The following UGT2B4 variants were observed in gnomAD, a reference collection of about 807,000 sequenced individuals.
UGT2B4 encodes UDP glucuronosyltransferase family 2 member B4.
UGT2B4 carries 49 observed loss-of-function variants against 49.8 expected under a neutral mutation model. That is an observed-to-expected ratio of 0.98 (90% CI 0.78 to 1.25). The LOEUF is 1.25. Ranked by LOEUF, UGT2B4 falls within the 50% of genes most tolerant of loss-of-function variation. The pLI is 0.00. For synonymous variants in UGT2B4, 246 were observed against 217.7 expected, an observed-to-expected ratio of 1.13 and a Z score of -1.14; for missense variants, 729 against 627.7, an observed-to-expected ratio of 1.16 and a Z score of -1.73.
At chr4:69,481,617 T>C (rs1727593559) in intron 5 of UGT2B4, among the ~76,000 whole-genome samples, 1 of 152,198 alleles carries the variant, frequency 6.6e-6, no homozygotes. Flanking sequence ...AATCACATCA[T>C]GAAGAAAGGC....
intron 1 of UGT2B4, among the ~76,000 whole-genome samples, chr4:69,523,204 T>C (rs1315606920): frequency 6.6e-6 from 1 of 151,930 alleles, no homozygotes; most frequent in Non-Finnish European, 1.5e-5. Context: ...TATGACTACT[T>C]CAAATATCTT....
At chr4:69,523,940 G>C (rs1204503465) in intron 1 of UGT2B4, among the ~76,000 whole-genome samples, 1 of 152,020 alleles carries the variant, frequency 6.6e-6, no homozygotes, top group Non-Finnish European at 1.5e-5. Context: ...CTTTTACTAA[G>C]TTTCATGAGC....
rs1577895917 is a variant in UGT2B4 at position 69,502,221 on chromosome 4, AT to A, written c.-105-6256del. 4.7e-5 allele frequency among the ~76,000 whole-genome samples: 4 copies of A among 85,418 alleles called. 1 individual carries two copies. The East Asian group carries it at 1.4e-3, about 30-fold the overall frequency. 56.0% of individuals were successfully genotyped at this position (85,418 alleles called of 152,430 possible). A position where few individuals can be genotyped will look rare whatever the true frequency, so the allele number is the denominator to read the frequency against. On this transcript the variant is annotated intron_variant, in intron 1 of 1. Transcript: ENST00000510114. ...TAATAATTTATTTTTGTTGTTGTTC[AT>A]TGTATTTGTTTTATTTTAAGTTCCA...
In UGT2B4 at chr4:69,480,928, A is replaced by G. The variant is rs1334726089; in HGVS notation, c.1311-18T>C. 6.8e-6 allele frequency: 11 copies of G among 1,609,704 alleles called. No homozygotes were observed. The East Asian group carries it at 1.1e-4, about 16-fold the overall frequency. On this transcript the variant is annotated intron_variant, in intron 5 of 5. Transcript: ENST00000305107. ...CTTTATATCTAAACGATAAGCAGAAAAGTATCAACATTGAAAGTAAGTTAA... is the reference window on the plus strand; with the variant it reads ...CTTTATATCTAAACGATAAGCAGAAGAGTATCAACATTGAAAGTAAGTTAA...
rs753338163 is a variant in UGT2B4, at chr4:69,495,533, GAA to G, written c.327_328del (p.Ser110ThrfsTer10). 6.2e-7 allele frequency: 1 copy of G among 1,613,006 alleles called. No individual in the cohort carries two copies. Among genetic ancestry groups the G allele is most frequent in the Non-Finnish European group, 8.5e-7 (1 of 1,179,430 alleles). ...TGTCCACATGATTTCTTGTACTTGT[GAA>G]AAATATGACCAAAATGTGTCTTTTG... On this transcript the variant is annotated frameshift_variant, in exon 1 of 6. Transcript: ENST00000305107. LOFTEE classifies it high-confidence loss of function.
intron 1 of UGT2B4, among the ~76,000 whole-genome samples, chr4:69,510,987 C>CT: frequency 1.1e-5 from 1 of 88,088 alleles, no homozygotes. Context: ...CTTTTCTTTT[C>CT]TTCTTTTTTT....
At chr4:69,484,068 G>T (rs1727693657) in intron 5 of UGT2B4, among the ~76,000 whole-genome samples, 1 of 151,856 alleles carries the variant, frequency 6.6e-6, no homozygotes, top group East Asian at 1.9e-4. Context: ...AACATCTCTG[G>T]CCATAATCAA....
At chr4:69,481,091 G>GAAAAAAAAAAAAAAAAAAA (rs57494102) in intron 5 of UGT2B4, among the ~76,000 whole-genome samples, 181 bp from the exon 6 acceptor site, 5 of 67,814 alleles carry the variant, frequency 7.4e-5, no homozygotes, top group East Asian at 4.8e-4. Flanking sequence ...GTAAAAATAT[G>GAAAAAAAAAAAAAAAAAAA]AAAAAAAAAA....
At chr4:69,500,670 G>GAAAGAAAGAAAGA (rs1560438465), upstream of UGT2B4, among the ~76,000 whole-genome samples, 891 of 62,574 alleles carry the variant, frequency 0.014, 6 homozygotes, top group Non-Finnish European at 0.023. Context: ...AGAAAGAAAG[G>GAAAGAAAGAAAGA]AAGGAAAGAA....
intron 1 of UGT2B4, among the ~76,000 whole-genome samples, chr4:69,524,419 G>A (rs1335490662): frequency 1.3e-5 from 2 of 151,774 alleles, no homozygotes; most frequent in African/African-American, 2.4e-5. Context: ...GAGAGAGATG[G>A]GAAAAAGTGG....
chr4:69,485,572 C>A, intron 4 of UGT2B4, 145 bp from the exon 5 acceptor site: 1 of 1,108,264 alleles, frequency 9.0e-7, no homozygotes, highest in Non-Finnish European at 1.3e-6. Flanking sequence ...GAAGGAACGC[C>A]TACTTCTGCT....
rs569318175 is a variant in UGT2B4, at chr4:69,485,118, G to T, written c.1310+90C>A. 14 of 1,440,276 alleles carry T rather than the reference G, an allele frequency of 9.7e-6. No homozygotes were observed. The East Asian group carries it at 3.0e-4, about 31-fold the overall frequency. The allele number at this position is 1,440,276 out of a possible 1,614,324, so 89.2% of individuals were successfully genotyped here. On this transcript the variant is annotated intron_variant, in intron 5 of 5. Transcript: ENST00000305107. ...AATCACTTAAATTCTTTCGAAATCA[G>T]TCGCTTATAAAAAGGATAAAAGTCA... is the stretch of plus-strand genomic sequence containing the variant.
intron 2 of UGT2B4, among the ~76,000 whole-genome samples, chr4:69,491,329 T>G (rs1039405639): frequency 2.6e-5 from 4 of 152,086 alleles, no homozygotes; most frequent in Non-Finnish European, 5.9e-5. Flanking sequence ...AATTATTCCT[T>G]AATTTCAGAT....
intron 1 of UGT2B4, among the ~76,000 whole-genome samples, chr4:69,501,223 T>C (rs976070990): frequency 7.3e-6 from 1 of 137,884 alleles, no homozygotes; most frequent in African/African-American, 2.7e-5. Context: ...CATTTGAGCT[T>C]TGGAGAGTCC....
rs369061791 is a variant in UGT2B4 at position 69,507,389 on chromosome 4, A to G, written c.-105-11423T>C. Reference sequence around the variant, plus strand: ...AGAGAAGTCTCAGGATGAAAATTCAATGTGCAGAAATCACTAGCATTTTTA... The same window carrying G: ...AGAGAAGTCTCAGGATGAAAATTCAGTGTGCAGAAATCACTAGCATTTTTA... On this transcript the variant is annotated intron_variant, in intron 1 of 1. Transcript: ENST00000510114. Among the ~76,000 whole-genome samples the G allele has an allele frequency of 3.9e-4, 60 of 152,358 alleles. No individual in the cohort carries two copies. The East Asian group carries it at 9.8e-3, about 25-fold the overall frequency.
chr4:69,490,463 C>T (rs1727950527), intron 2 of UGT2B4, among the ~76,000 whole-genome samples: 2 of 152,116 alleles, frequency 1.3e-5, no homozygotes, highest in South Asian at 4.1e-4. Context: ...GAACTTTCTG[C>T]AGAGATTTGG....
chr4:69,504,221 G>A (rs1728411534), intron 1 of UGT2B4, among the ~76,000 whole-genome samples: 1 of 152,108 alleles, frequency 6.6e-6, no homozygotes, highest in Admixed American at 6.5e-5. Flanking sequence ...CCAGGCTGAG[G>A]CTAAGATGGC....
chr4:69,491,451 A>G, intron 2 of UGT2B4, among the ~76,000 whole-genome samples: 1 of 152,106 alleles, frequency 6.6e-6, no homozygotes, highest in Non-Finnish European at 1.5e-5. Flanking sequence ...TATAAAACCA[A>G]TGGCTATATG....
At position 69,513,959 on chromosome 4, in the gene UGT2B4, T is replaced by C. The variant is rs565816524; in HGVS notation, c.-106+11728A>G. Among the ~76,000 whole-genome samples the C allele has an allele frequency of 7.7e-4, 118 of 152,264 alleles. 1 individual carries two copies. In the South Asian group the frequency reaches 0.024, roughly 31 times the overall value. ...GCATTTGCTGAATTTACTTATCACC[T>C]TAAGAAGCTTTGGGGCTGAGATGAT... On this transcript the variant is annotated intron_variant, in intron 1 of 1. Coordinates refer to the UGT2B4 transcript ENST00000510114.
Sources: gnomAD v4.1 joint callset for allele counts (sites outside exome capture counted in the v4.1 genomes callset) on GRCh38, gnomAD v4.1.1 for gene constraint, MANE v1.5 for transcripts, NCBI Gene and HGNC (gene_info 2026-07-23, HGNC 2026-07-21) for gene names.